The following OPCML variants were observed in gnomAD, a reference collection of about 807,000 sequenced individuals.
OPCML encodes the protein opioid-binding protein/cell adhesion molecule.
In OPCML, 13 loss-of-function variants were observed where a neutral mutation model predicts 37.8. The observed-to-expected ratio is 0.34, with a 90% CI of 0.22 to 0.55. The LOEUF is 0.55. Among genes scored for constraint, OPCML ranks in the 20% least tolerant of loss-of-function variants. The pLI is 0.91. For missense variants in OPCML, 341 were observed against 435.6 expected (o/e 0.78, Z 1.93); for synonymous variants, 176 against 168.8 (o/e 1.04, Z -0.33).
At chr11:132,522,398 C>T (rs1237396177) in intron 4 of OPCML, among the ~76,000 whole-genome samples, 3 of 152,202 alleles carry the variant, frequency 2.0e-5, no homozygotes, top group Non-Finnish European at 2.9e-5. Flanking sequence ...AGGCTGCTGG[C>T]ACATTCAATG....
intron 4 of OPCML, among the ~76,000 whole-genome samples, chr11:132,517,565 G>A (rs1275590410): frequency 5.9e-5 from 9 of 152,166 alleles, no homozygotes; most frequent in Non-Finnish European, 1.2e-4. Context: ...AAGAGTCACT[G>A]TGGACCCACT....
At chr11:132,924,614 A>G (rs1482878760) in intron 2 of OPCML, among the ~76,000 whole-genome samples, 2 of 152,202 alleles carry the variant, frequency 1.3e-5, no homozygotes, top group Non-Finnish European at 1.5e-5. Flanking sequence ...AATTCAATAT[A>G]ATTCTTATCC....
chr11:132,949,015 G>A (rs184943080), intron 1 of OPCML, among the ~76,000 whole-genome samples: 246 of 152,316 alleles, frequency 1.6e-3, no homozygotes, highest in African/African-American at 5.7e-3. Context: ...CTTGAGAATA[G>A]GAATCCTTGC....
At chr11:132,802,547 T>A (rs1472042090) in intron 2 of OPCML, among the ~76,000 whole-genome samples, 1 of 152,154 alleles carries the variant, frequency 6.6e-6, no homozygotes, top group Non-Finnish European at 1.5e-5. Flanking sequence ...AGTTACAACA[T>A]CTCTCCCTTT....
At chr11:132,985,252 T>C (rs981748926) in intron 1 of OPCML, among the ~76,000 whole-genome samples, 16 of 152,180 alleles carry the variant, frequency 1.1e-4, no homozygotes, top group African/African-American at 3.9e-4. Context: ...ACTCAGGACA[T>C]CACCAGGCCA....
intron 2 of OPCML, among the ~76,000 whole-genome samples, chr11:132,898,572 G>A (rs1309264313): frequency 5.3e-5 from 8 of 152,120 alleles, no homozygotes; most frequent in Non-Finnish European, 1.2e-4. Context: ...GCAGGACTGG[G>A]GCAAGGTTTT....
intron 1 of OPCML, among the ~76,000 whole-genome samples, chr11:133,027,466 A>T (rs1947575386): frequency 7.1e-6 from 1 of 140,492 alleles, no homozygotes; most frequent in Non-Finnish European, 1.5e-5. Context: ...TATGTGGTCT[A>T]TGTAGTGTGT....
intron 1 of OPCML, among the ~76,000 whole-genome samples, chr11:133,079,277 A>G (rs1223086971): frequency 1.3e-5 from 2 of 152,210 alleles, no homozygotes; most frequent in African/African-American, 4.8e-5. Flanking sequence ...TGGAGCACAC[A>G]GCCTCACAGC....
intron 2 of OPCML, among the ~76,000 whole-genome samples, chr11:132,891,022 G>A (rs530818228): frequency 1.3e-5 from 2 of 152,012 alleles, no homozygotes; most frequent in Non-Finnish European, 2.9e-5. Context: ...GTTTGTGTCC[G>A]TCCCACATGG....
At chr11:132,461,608 G>A (rs1368692206) in intron 4 of OPCML, among the ~76,000 whole-genome samples, 1 of 152,104 alleles carries the variant, frequency 6.6e-6, no homozygotes, top group East Asian at 1.9e-4. Context: ...TAGACCCTGG[G>A]AGCAAGTAGC....
chr11:132,418,261 T>C lies in OPCML; in HGVS notation c.*1932A>G, dbSNP rs1251266194. Reference sequence around the variant, plus strand: ...CAACTGAGGCAGGGCAGGTCTGCGATTGATGCTGCATTCTCATCCTCTCTG... The same window carrying C: ...CAACTGAGGCAGGGCAGGTCTGCGACTGATGCTGCATTCTCATCCTCTCTG... On this transcript the variant is annotated 3_prime_UTR_variant, in exon 8 of 8. Coordinates refer to ENST00000524381, the MANE Select transcript of OPCML (RefSeq NM_001012393.5). The C allele has an allele frequency of 1.3e-5, 2 of 152,222 alleles. No homozygotes were observed. Among genetic ancestry groups the C allele is most frequent in the African/African-American group, 2.4e-5 (1 of 41,466 alleles). 9.4% of individuals were successfully genotyped at this position (152,222 alleles called of 1,614,324 possible).
At chr11:132,567,874 C>A (rs1418145238) in intron 3 of OPCML, among the ~76,000 whole-genome samples, 1 of 152,118 alleles carries the variant, frequency 6.6e-6, no homozygotes, top group Non-Finnish European at 1.5e-5. Flanking sequence ...TTGCACAGAA[C>A]AGTTGTTGCA....
intron 4 of OPCML, among the ~76,000 whole-genome samples, chr11:132,485,609 G>A (rs760304217): frequency 4.6e-5 from 7 of 152,136 alleles, no homozygotes; most frequent in South Asian, 2.1e-4. Context: ...ATGACTTAGC[G>A]TTGACTGCTT....
At chr11:132,479,748 C>T (rs1354851448) in intron 4 of OPCML, among the ~76,000 whole-genome samples, 5 of 152,118 alleles carry the variant, frequency 3.3e-5, no homozygotes, top group African/African-American at 7.2e-5. Flanking sequence ...CTGGGAGGCA[C>T]CCCCCAGCAG....
At chr11:132,993,036 T>A (rs1946810120) in intron 1 of OPCML, among the ~76,000 whole-genome samples, 1 of 152,126 alleles carries the variant, frequency 6.6e-6, no homozygotes, top group Non-Finnish European at 1.5e-5. Context: ...GTGCCGCAGT[T>A]CAGCCCCAGG....
At chr11:132,854,148 A>G (rs2136337109) in intron 2 of OPCML, among the ~76,000 whole-genome samples, 1 of 152,298 alleles carries the variant, frequency 6.6e-6, no homozygotes. Context: ...AACCCAAGGC[A>G]CCACTTTACT....
intron 3 of OPCML, among the ~76,000 whole-genome samples, chr11:132,592,768 A>C (rs1314162284): frequency 6.6e-6 from 1 of 152,228 alleles, no homozygotes; most frequent in Non-Finnish European, 1.5e-5. Flanking sequence ...AGATCAAAGG[A>C]AGACCCACCA....
chr11:133,422,024 T>C, intron 1 of OPCML: 1 of 488,712 alleles, frequency 2.0e-6, no homozygotes, highest in Non-Finnish European at 2.7e-6. Context: ...ATGTGCATTT[T>C]TGTTACATAG....
intron 1 of OPCML, among the ~76,000 whole-genome samples, chr11:133,229,927 T>A (rs1354382955): frequency 6.6e-6 from 1 of 152,210 alleles, no homozygotes; most frequent in Non-Finnish European, 1.5e-5. Context: ...AATACATCAT[T>A]TGTTGTCTAA....
Sources: allele counts gnomAD v4.1 joint callset (sites outside exome capture counted in the v4.1 genomes callset), GRCh38; gene constraint gnomAD v4.1.1; transcripts MANE v1.5; gene names NCBI Gene and HGNC (gene_info 2026-07-23, HGNC 2026-07-21).